The following CCBE1 variants were observed in gnomAD, a reference collection of about 807,000 sequenced individuals.
The protein encoded by CCBE1 is collagen and calcium-binding EGF domain-containing protein 1.
A neutral mutation model predicts 50.0 loss-of-function variants in CCBE1; 37 were observed. That is an observed-to-expected ratio of 0.74 (90% confidence interval 0.57 to 0.97). The LOEUF (loss-of-function observed/expected upper bound fraction) is 0.97. Among genes scored for constraint, CCBE1 ranks in the 50% least tolerant of loss-of-function variants. The pLI is 0.00. For synonymous variants in CCBE1, 234 were observed against 203.7 expected, an observed-to-expected ratio of 1.15 and a Z score of -1.27; for missense variants, 538 against 523.8, an observed-to-expected ratio of 1.03 and a Z score of -0.26.
chr18:59,694,023 C>T (rs1037696820), intron 2 of CCBE1, among the ~76,000 whole-genome samples: 4 of 151,856 alleles, frequency 2.6e-5, no homozygotes, highest in Non-Finnish European at 4.4e-5. Flanking sequence ...AGGTGTGTGC[C>T]ACCACACCAT....
At chr18:59,586,899 C>T (rs924083972) in intron 2 of CCBE1, among the ~76,000 whole-genome samples, 6 of 152,154 alleles carry the variant, frequency 3.9e-5, no homozygotes, top group African/African-American at 1.4e-4. Flanking sequence ...ACCTTAAAAA[C>T]GTTCTTTATT....
intron 2 of CCBE1, among the ~76,000 whole-genome samples, chr18:59,690,455 G>A (rs1599140681): frequency 1.3e-5 from 2 of 152,198 alleles, no homozygotes; most frequent in East Asian, 3.8e-4. Context: ...CACAAAAGGA[G>A]CTCCGGTCCT....
At chr18:59,463,250 C>G (rs1251368605) in intron 5 of CCBE1, among the ~76,000 whole-genome samples, 1 of 152,216 alleles carries the variant, frequency 6.6e-6, no homozygotes, top group Non-Finnish European at 1.5e-5. Context: ...GTGACTGTCT[C>G]TCACCAGGGC....
chr18:59,666,235 A>G (rs1259301758), intron 2 of CCBE1: 1 of 152,086 alleles, frequency 6.6e-6, no homozygotes, highest in Non-Finnish European at 1.5e-5. Context: ...TATCATGAGA[A>G]CGGCACGGGA....
rs1400274891 is a variant in CCBE1 at position 59,580,147 on chromosome 18, G to T, written c.213-99909C>A. Among the ~76,000 whole-genome samples the T allele has an allele frequency of 4.6e-5, 7 of 152,294 alleles. No homozygotes were observed. The East Asian group carries it at 1.4e-3, about 29-fold the overall frequency. On this transcript the variant is annotated intron_variant, in intron 2 of 10. Transcript: ENST00000439986. ...CTAAGCTAAAGGGAAAATTTAAGCT[G>T]GGAACTGCTTAGGGCAAGCCTGCCT...
chr18:59,466,996 T>C, intron 4 of CCBE1, 105 bp from the exon 5 acceptor site: 1 of 1,020,040 alleles, frequency 9.8e-7, no homozygotes, highest in Non-Finnish European at 1.5e-6. Flanking sequence ...TGAAGGACAC[T>C]TGGGCCGACC....
intron 2 of CCBE1, among the ~76,000 whole-genome samples, chr18:59,496,562 G>A (rs1052433767): frequency 6.6e-6 from 1 of 152,188 alleles, no homozygotes; most frequent in African/African-American, 2.4e-5. Context: ...CCTCAGTCAT[G>A]TTTCTTGTAT....
At chr18:59,633,300 A>G (rs1434795003) in intron 2 of CCBE1, among the ~76,000 whole-genome samples, 3 of 152,252 alleles carry the variant, frequency 2.0e-5, no homozygotes, top group Admixed American at 6.5e-5. Flanking sequence ...TTACATGAAA[A>G]TAACACTGGT....
At chr18:59,482,249 T>C (rs898789834) in intron 2 of CCBE1, among the ~76,000 whole-genome samples, 3 of 152,352 alleles carry the variant, frequency 2.0e-5, no homozygotes, top group Admixed American at 6.5e-5. Flanking sequence ...TAGTATTCCA[T>C]GGTGTATGCC....
At chr18:59,552,225 C>A (rs553803718) in intron 2 of CCBE1, among the ~76,000 whole-genome samples, 1 of 152,168 alleles carries the variant, frequency 6.6e-6, no homozygotes, top group Non-Finnish European at 1.5e-5. Flanking sequence ...AACATCGCTT[C>A]GGGCACATTC....
At chr18:59,682,770 G>T (rs78200848) in intron 2 of CCBE1, among the ~76,000 whole-genome samples, 1 of 152,202 alleles carries the variant, frequency 6.6e-6, no homozygotes, top group Admixed American at 6.5e-5. Flanking sequence ...CCCTTTGATC[G>T]TCTTTACCCT....
intron 2 of CCBE1, among the ~76,000 whole-genome samples, chr18:59,543,135 G>A (rs983219441): frequency 6.6e-6 from 1 of 152,058 alleles, no homozygotes; most frequent in Non-Finnish European, 1.5e-5. Flanking sequence ...TACACAAAAA[G>A]TTACCTGGGG....
chr18:59,467,210 A>C (rs1233492627), intron 4 of CCBE1, among the ~76,000 whole-genome samples: 2 of 152,210 alleles, frequency 1.3e-5, no homozygotes, highest in African/African-American at 2.4e-5. Context: ...AGCCTGCCCT[A>C]AACACTTCAG....
chr18:59,465,280 C>G (rs1032133290), intron 5 of CCBE1: 1 of 152,402 alleles, frequency 6.6e-6, no homozygotes, highest in African/African-American at 2.4e-5. Context: ...ATTTTGATGA[C>G]AAGGCATTGC....
intron 2 of CCBE1, among the ~76,000 whole-genome samples, chr18:59,489,504 C>G (rs139833205): frequency 1.9e-3 from 293 of 152,298 alleles, no homozygotes; most frequent in African/African-American, 6.7e-3. Flanking sequence ...ACCTCTACCT[C>G]CTGGGTTCAA....
intron 3 of CCBE1, among the ~76,000 whole-genome samples, chr18:59,471,399 A>G (rs759822654): frequency 6.6e-6 from 1 of 152,208 alleles, no homozygotes; most frequent in Non-Finnish European, 1.5e-5. Context: ...CCCTGCAGTC[A>G]CACCCATAAC....
At chr18:59,533,480 T>C (rs1400980492) in intron 2 of CCBE1, among the ~76,000 whole-genome samples, 1 of 152,214 alleles carries the variant, frequency 6.6e-6, no homozygotes, top group Non-Finnish European at 1.5e-5. Context: ...TTTCAAAATT[T>C]TATATTCACA....
At chr18:59,550,783 C>T (rs1915882126) in intron 2 of CCBE1, among the ~76,000 whole-genome samples, 1 of 151,780 alleles carries the variant, frequency 6.6e-6, no homozygotes, top group Non-Finnish European at 1.5e-5. Context: ...AATCCCAGCA[C>T]TGTGGGAGGC....
chr18:59,561,452 G>A (rs2052737277), intron 2 of CCBE1, among the ~76,000 whole-genome samples: 2 of 152,202 alleles, frequency 1.3e-5, no homozygotes, highest in Non-Finnish European at 2.9e-5. Flanking sequence ...GACCGAGGCA[G>A]ACATCCGGCC....
Sources: allele counts gnomAD v4.1 joint callset (sites outside exome capture counted in the v4.1 genomes callset), GRCh38; gene constraint gnomAD v4.1.1; transcripts MANE v1.5; gene names NCBI Gene and HGNC (gene_info 2026-07-23, HGNC 2026-07-21).